ZNF91: variants seen among roughly 807,000 people sequenced by gnomAD.
ZNF91 encodes the protein zinc finger protein 91 (HPF7, HTF10).
In ZNF91, 7 loss-of-function variants were observed where a neutral mutation model predicts 12.6. The ratio of observed to expected loss-of-function variants is 0.55; its 90% CI spans 0.31 to 1.04. The LOEUF is 1.04. Ranked by LOEUF, ZNF91 falls within the 50% of genes least tolerant of loss-of-function variation. The pLI is 0.05. For missense variants in ZNF91, 1,217 were observed against 1,385.4 expected (o/e 0.88, Z 1.93); for synonymous variants, 453 against 462.6 (o/e 0.98, Z 0.27).
At chr19:23,322,259 G>A (rs994376745) in intron 1 of ZNF91, among the ~76,000 whole-genome samples, 2 of 152,120 alleles carry the variant, frequency 1.3e-5, no homozygotes, top group African/African-American at 2.4e-5. Flanking sequence ...TCCTGCTTTG[G>A]TCTTCCTCTC....
rs1226627509 is a variant in ZNF91 at position 23,360,759 on chromosome 19, T to C, written c.2220A>G (p.Lys740=). Residue 740 remains lysine, a synonymous_variant, in exon 4 of 4, where the codon AAA becomes AAG. Coordinates refer to ENST00000300619, the MANE Select transcript of ZNF91 (RefSeq NM_003430.4). Reference sequence around the variant, plus strand: ...TGCCACATTCTTCACACTTGTAAGGTTTCTCTCCAGTATGAATAAACTTAT... The same window carrying C: ...TGCCACATTCTTCACACTTGTAAGGCTTCTCTCCAGTATGAATAAACTTAT... The part of the protein sequence containing the change: ...TIHKFIHTGE[K]PYKCEECGKA... 1.2e-6 allele frequency: 2 copies of C among 1,612,632 alleles called. No homozygotes were observed. The highest frequency in any genetic ancestry group is 2.2e-5 in the East Asian group (1 of 44,706).
intron 1 of ZNF91, chr19:23,323,868 TC>T (rs1267422229): frequency 6.6e-5 from 5 of 76,022 alleles, no homozygotes; most frequent in African/African-American, 3.2e-4. Flanking sequence ...ATTCTTCTCC[TC>T]TTCGTTTCCT....
intron 3 of ZNF91, among the ~76,000 whole-genome samples, chr19:23,364,630 TATG>T (rs1968931093): frequency 6.6e-6 from 1 of 152,126 alleles, no homozygotes; most frequent in East Asian, 1.9e-4. Context: ...AGTACAGAGT[TATG>T]ATAGTTTTAA....
At chr19:23,381,702 C>T (rs1252111519) in intron 1 of ZNF91, among the ~76,000 whole-genome samples, 5 of 152,162 alleles carry the variant, frequency 3.3e-5, no homozygotes, top group South Asian at 2.1e-4. Flanking sequence ...TCAGGTGATC[C>T]GCCCGACTTG....
downstream of ZNF91, among the ~76,000 whole-genome samples, chr19:23,357,407 G>A (rs1968518435): frequency 6.6e-6 from 1 of 152,210 alleles, no homozygotes; most frequent in African/African-American, 2.4e-5. Flanking sequence ...ACAAAGCAGA[G>A]TATAAATTTG....
downstream of ZNF91, among the ~76,000 whole-genome samples, chr19:23,336,271 T>C (rs1353198055): frequency 3.3e-5 from 5 of 152,174 alleles, no homozygotes; most frequent in Admixed American, 1.3e-4. Flanking sequence ...AGAGGTTTAA[T>C]AGGCAAAAGA....
At chr19:23,390,973 T>C (rs1350403195) in intron 1 of ZNF91, among the ~76,000 whole-genome samples, 2 of 152,252 alleles carry the variant, frequency 1.3e-5, no homozygotes, top group Non-Finnish European at 2.9e-5. Flanking sequence ...AACACCCTTG[T>C]GCATGTGTCT....
rs548628925 is a variant in ZNF91 at position 23,359,024 on chromosome 19, C to T, written c.*379G>A. 3.9e-6 allele frequency: 2 copies of T among 511,336 alleles called. No homozygotes were observed. The highest frequency in any genetic ancestry group is 4.4e-5 in the Admixed American group (2 of 45,188). The allele number at this position is 511,336 out of a possible 1,614,324, so 31.7% of individuals were successfully genotyped here. A position where few individuals can be genotyped will look rare whatever the true frequency, so the allele number is the denominator to read the frequency against. ...TGGTTAAAGGCTTTGCCAAATTTTT[C>T]CTGTTTGTAGGGTTGCTGTCCAGTA... On this transcript the variant is annotated 3_prime_UTR_variant, in exon 4 of 4. Coordinates refer to ENST00000300619, the MANE Select transcript of ZNF91 (RefSeq NM_003430.4).
At chr19:23,357,102 C>T (rs1968509673), downstream of ZNF91, among the ~76,000 whole-genome samples, 1 of 152,182 alleles carries the variant, frequency 6.6e-6, no homozygotes, top group African/African-American at 2.4e-5. Context: ...TGATGCATGC[C>T]TGTAATCTCA....
At chr19:23,332,483 G>T (rs765132752) in intron 1 of ZNF91, among the ~76,000 whole-genome samples, 14 of 151,888 alleles carry the variant, frequency 9.2e-5, no homozygotes. Flanking sequence ...TGTTAAGTTT[G>T]TCTCCAGGGC....
chr19:23,341,387 T>C (rs1364000276), intron 3 of ZNF91, among the ~76,000 whole-genome samples: 1 of 152,146 alleles, frequency 6.6e-6, no homozygotes, highest in Non-Finnish European at 1.5e-5. Context: ...TCATTGGGTA[T>C]CTACCCAAAG....
chr19:23,335,824 C>T (rs1720046406), downstream of ZNF91, among the ~76,000 whole-genome samples: 1 of 152,160 alleles, frequency 6.6e-6, no homozygotes, highest in African/African-American at 2.4e-5. Flanking sequence ...TGGGCTGCAC[C>T]CACTGTCTAA....
At chr19:23,348,994 C>T (rs1025636489) in intron 3 of ZNF91, among the ~76,000 whole-genome samples, 3 of 152,116 alleles carry the variant, frequency 2.0e-5, no homozygotes, top group African/African-American at 7.2e-5. Context: ...TGTCTTCAGG[C>T]TTGCTAGGAT....
chr19:23,395,208 C>G, intron 1 of ZNF91, 117 bp downstream of exon 1: 1 of 1,326,414 alleles, frequency 7.5e-7, no homozygotes. Context: ...GCAAGGAGAA[C>G]CCGGGCACGG....
At chr19:23,339,331 T>C (rs542879536) in intron 3 of ZNF91, 67 of 152,138 alleles carry the variant, frequency 4.4e-4, no homozygotes, top group African/African-American at 1.3e-3. Flanking sequence ...ATATAACAAT[T>C]CTAAATATAT....
In ZNF91 at chr19:23,369,327, G is replaced by A. The variant is rs897536182; in HGVS notation, c.253+4415C>T. On this transcript the variant is annotated intron_variant, in intron 3 of 3. Transcript: ENST00000300619. ...TTTGTCTCAGAAAAAAAAAAACAAC[G>A]CCCGGGAGGGAGGTGGGGGGCAGCC... is the stretch of plus-strand genomic sequence containing the variant. Among the ~76,000 whole-genome samples, 7 of 150,878 alleles carry A rather than the reference G, an allele frequency of 4.6e-5. No homozygotes were observed. The East Asian group carries it at 1.2e-3, about 25-fold the overall frequency.
chr19:23,384,771 T>C (rs540620633), intron 1 of ZNF91: 9 of 641,674 alleles, frequency 1.4e-5, no homozygotes, highest in East Asian at 8.3e-5. Flanking sequence ...TCCCCGGGCA[T>C]AGTAAGTTCT....
chr19:23,358,283 C>G lies in ZNF91; in HGVS notation c.*1120G>C, dbSNP rs1371960628. 1 of 152,094 alleles carries G rather than the reference C, an allele frequency of 6.6e-6. No individual in the cohort carries two copies. The highest frequency in any genetic ancestry group is 1.5e-5 in the Non-Finnish European group (1 of 68,002). 9.4% of individuals were successfully genotyped at this position (152,094 alleles called of 1,614,324 possible). On this transcript the variant is annotated 3_prime_UTR_variant, in exon 4 of 4. Coordinates refer to ENST00000300619, the MANE Select transcript of ZNF91 (RefSeq NM_003430.4). The stretch of plus-strand genomic sequence containing the variant: ...TACAATAAATCATACTAAACTTTAA[C>G]TAAAATTAAGAATGTTTTTCTTTCA...
chr19:23,329,909 C>A (rs946560547), intron 1 of ZNF91, among the ~76,000 whole-genome samples: 1 of 152,190 alleles, frequency 6.6e-6, no homozygotes, highest in Non-Finnish European at 1.5e-5. Flanking sequence ...CTCAACTACT[C>A]AGCGAGTGAC....
Sources: allele counts gnomAD v4.1 joint callset (sites outside exome capture counted in the v4.1 genomes callset), GRCh38; gene constraint gnomAD v4.1.1; transcripts MANE v1.5; gene names NCBI Gene and HGNC (gene_info 2026-07-23, HGNC 2026-07-21).